BATF: variants seen among roughly 807,000 people sequenced by gnomAD.
The protein encoded by BATF is basic leucine zipper ATF-like transcription factor.
A neutral mutation model predicts 13.7 loss-of-function variants in BATF; 5 were observed. That is an observed-to-expected ratio of 0.36 (90% CI 0.19 to 0.77). BATF has a LOEUF of 0.77. Among genes scored for constraint, BATF ranks in the 30% least tolerant of loss-of-function variants. The probability of loss-of-function intolerance (pLI) is 0.51; values close to 1 mark genes in which losing one functional copy is unlikely to be tolerated. For synonymous variants in BATF, 72 were observed against 67.5 expected, an observed-to-expected ratio of 1.07 and a Z score of -0.33; for missense variants, 124 against 163.0, an observed-to-expected ratio of 0.76 and a Z score of 1.30.
chr14:75,545,537 A>T (rs1268575449), intron 2 of BATF, among the ~76,000 whole-genome samples: 5 of 151,694 alleles, frequency 3.3e-5, no homozygotes, highest in Non-Finnish European at 5.9e-5. Context: ...ACCTGGCCCC[A>T]TTTACTATTT....
chr14:75,542,340 T>C (rs771150054), intron 2 of BATF, among the ~76,000 whole-genome samples: 42 of 152,326 alleles, frequency 2.8e-4, no homozygotes, highest in Non-Finnish European at 5.6e-4. Context: ...AGGAGAAAGA[T>C]GGGTACATGG....
chr14:75,528,078 G>A (rs1176607927), intron 2 of BATF, among the ~76,000 whole-genome samples: 1 of 152,128 alleles, frequency 6.6e-6, no homozygotes, highest in African/African-American at 2.4e-5. Flanking sequence ...AAAGTCTTCT[G>A]GTTTACCACC....
intron 2 of BATF, among the ~76,000 whole-genome samples, chr14:75,537,598 T>C (rs950448625): frequency 3.9e-5 from 6 of 152,324 alleles, no homozygotes; most frequent in African/African-American, 1.2e-4. Context: ...AAAGTTATAA[T>C]TAATGAAACA....
chr14:75,535,515 T>C (rs1473368861), intron 2 of BATF, among the ~76,000 whole-genome samples: 1 of 152,180 alleles, frequency 6.6e-6, no homozygotes, highest in East Asian at 1.9e-4. Flanking sequence ...AATGTAGTTA[T>C]ACTGTATTTT....
chr14:75,525,861 TTGG>T (rs1887646684), intron 2 of BATF, among the ~76,000 whole-genome samples: 1 of 152,170 alleles, frequency 6.6e-6, no homozygotes, highest in Admixed American at 6.5e-5. Context: ...GTCGCATCCC[TTGG>T]CAGAGACCCA....
intron 2 of BATF, among the ~76,000 whole-genome samples, chr14:75,533,321 G>A (rs977634863): frequency 2.6e-5 from 4 of 151,824 alleles, no homozygotes; most frequent in South Asian, 2.1e-4. Flanking sequence ...CCAGCTACTC[G>A]GGAGGATGAG....
intron 2 of BATF, among the ~76,000 whole-genome samples, chr14:75,544,259 A>G (rs78288989): frequency 6.6e-5 from 10 of 151,898 alleles, no homozygotes; most frequent in African/African-American, 1.2e-4. Flanking sequence ...AAAAATTATT[A>G]TTATTTTTTT....
intron 2 of BATF, among the ~76,000 whole-genome samples, chr14:75,542,709 G>A (rs566677413): frequency 7.9e-5 from 12 of 152,382 alleles, no homozygotes; most frequent in African/African-American, 2.9e-4. Context: ...TGGCAGGGCA[G>A]GTTTCTTGGG....
chr14:75,523,600 A>G (rs915236080), intron 1 of BATF, among the ~76,000 whole-genome samples: 1 of 152,130 alleles, frequency 6.6e-6, no homozygotes, highest in Non-Finnish European at 1.5e-5. Context: ...GTTCTGCACC[A>G]CACTCTTGAC....
chr14:75,530,245 G>A (rs1438049279), intron 2 of BATF, among the ~76,000 whole-genome samples: 1 of 152,156 alleles, frequency 6.6e-6, no homozygotes, highest in African/African-American at 2.4e-5. Context: ...ACACGATGTT[G>A]CCAAGGTAAT....
intron 1 of BATF, among the ~76,000 whole-genome samples, 165 bp from the exon 2 acceptor site, chr14:75,524,919 A>G (rs1203123548): frequency 6.6e-6 from 1 of 151,942 alleles, no homozygotes; most frequent in African/African-American, 2.4e-5. Context: ...CATGGAGAAG[A>G]GCTCTCCTTC....
rs1287927232 is a variant in BATF at position 75,546,923 on chromosome 14, TC to T, written c.*253del. 7.1e-6 allele frequency: 5 copies of T among 705,980 alleles called. 1 individual carries two copies. In the South Asian group the frequency reaches 7.4e-5, roughly 10 times the overall value. 43.7% of individuals were successfully genotyped at this position (705,980 alleles called of 1,614,324 possible). On this transcript the variant is annotated 3_prime_UTR_variant, in exon 3 of 3. Coordinates refer to ENST00000286639, the MANE Select transcript of BATF (RefSeq NM_006399.5). ...TGCAGAAGAGTATTAAGAAAGATGCTCAAGTCCCATGGCACAGAGCAAGGCG... is the reference window on the plus strand; with the variant it reads ...TGCAGAAGAGTATTAAGAAAGATGCTAAGTCCCATGGCACAGAGCAAGGCG...
At chr14:75,541,569 CTTGTG>C (rs1001594742) in intron 2 of BATF, among the ~76,000 whole-genome samples, 2 of 152,144 alleles carry the variant, frequency 1.3e-5, no homozygotes, top group East Asian at 1.9e-4. Context: ...ACTCAGGGAT[CTTGTG>C]TTGTGTTGTG....
chr14:75,537,146 G>C (rs1306958448), intron 2 of BATF, among the ~76,000 whole-genome samples: 2 of 152,058 alleles, frequency 1.3e-5, no homozygotes, highest in Non-Finnish European at 2.9e-5. Context: ...ATGGAGAGAG[G>C]GTCAAATTTG....
intron 2 of BATF, among the ~76,000 whole-genome samples, chr14:75,544,893 T>G (rs572495898): frequency 6.7e-6 from 1 of 149,944 alleles, no homozygotes; most frequent in Non-Finnish European, 1.5e-5. Context: ...AGTCGAATAA[T>G]GTAAACCTTA....
At chr14:75,536,955 T>TG (rs1451244308) in intron 2 of BATF, among the ~76,000 whole-genome samples, 3 of 152,152 alleles carry the variant, frequency 2.0e-5, no homozygotes, top group Admixed American at 2.0e-4. Flanking sequence ...TCATTTTTTT[T>TG]TTACACTGTT....
intron 2 of BATF, among the ~76,000 whole-genome samples, chr14:75,539,497 G>A (rs1374355369): frequency 7.2e-6 from 1 of 138,728 alleles, no homozygotes; most frequent in Non-Finnish European, 1.5e-5. Flanking sequence ...AGGCAGAAGG[G>A]GTTTGGGATG....
chr14:75,530,663 TTTTA>T (rs1433900586), intron 2 of BATF, among the ~76,000 whole-genome samples: 3 of 152,142 alleles, frequency 2.0e-5, no homozygotes, highest in East Asian at 1.9e-4. Flanking sequence ...TAATTTAATG[TTTTA>T]TTTATTTATT....
intron 2 of BATF, 93 bp downstream of exon 2, chr14:75,525,281 T>A: frequency 7.6e-7 from 1 of 1,318,204 alleles, no homozygotes; most frequent in Non-Finnish European, 1.1e-6. Flanking sequence ...ATTCTGCTTG[T>A]GTGGGGATGT....
Sources: gnomAD v4.1 joint callset for allele counts (sites outside exome capture counted in the v4.1 genomes callset) on GRCh38, gnomAD v4.1.1 for gene constraint, MANE v1.5 for transcripts, NCBI Gene and HGNC (gene_info 2026-07-23, HGNC 2026-07-21) for gene names.